The following KCNIP3 variants were observed in gnomAD, a reference collection of about 807,000 sequenced individuals.
The protein encoded by KCNIP3 is calsenilin.
In KCNIP3, 28 loss-of-function variants were observed where a neutral mutation model predicts 35.0. That is an observed-to-expected ratio of 0.80 (90% CI 0.59 to 1.10). The LOEUF (loss-of-function observed/expected upper bound fraction) is 1.10, where lower values mean the gene tolerates loss of function less well. Among genes scored for constraint, KCNIP3 ranks in the 50% least tolerant of loss-of-function variants. The pLI is 0.00. For synonymous variants in KCNIP3, 134 were observed against 133.8 expected, an observed-to-expected ratio of 1.00 and a Z score of -0.01; for missense variants, 295 against 338.4, an observed-to-expected ratio of 0.87 and a Z score of 1.01.
Position 95,384,841 on chromosome 2 carries a change from C to A in KCNIP3, c.*792C>A. Reference sequence around the variant, plus strand: ...TGCCAGCTCCACAGGGTGGGATGAGCCTCTCCTTGCCCCAGTCCTGGTTCA... The same window carrying A: ...TGCCAGCTCCACAGGGTGGGATGAGACTCTCCTTGCCCCAGTCCTGGTTCA... On this transcript the variant is annotated 3_prime_UTR_variant, in exon 9 of 9. Coordinates refer to ENST00000295225, the MANE Select transcript of KCNIP3 (RefSeq NM_013434.5). The A allele has an allele frequency of 6.5e-6, 1 of 152,698 alleles. No individual in the cohort carries two copies. 9.5% of individuals were successfully genotyped at this position (152,698 alleles called of 1,614,324 possible).
chr2:95,322,512 C>A (rs2104228565), intron 2 of KCNIP3, among the ~76,000 whole-genome samples: 1 of 152,306 alleles, frequency 6.6e-6, no homozygotes, highest in Non-Finnish European at 1.5e-5. Flanking sequence ...GTCTCCTCAT[C>A]CATCAAATGC....
chr2:95,321,242 C>T (rs867142926), intron 2 of KCNIP3, among the ~76,000 whole-genome samples: 2 of 152,186 alleles, frequency 1.3e-5, no homozygotes, highest in Non-Finnish European at 2.9e-5. Context: ...GTGTGGCCTG[C>T]AGAGCTGGTC....
chr2:95,344,867 C>A (rs766825212), intron 2 of KCNIP3, among the ~76,000 whole-genome samples: 4 of 152,328 alleles, frequency 2.6e-5, no homozygotes, highest in South Asian at 4.1e-4. Context: ...GGGTTATGTA[C>A]CACTACACTT....
At chr2:95,344,802 C>T (rs1679307893) in intron 2 of KCNIP3, among the ~76,000 whole-genome samples, 4 of 152,196 alleles carry the variant, frequency 2.6e-5, no homozygotes, top group African/African-American at 9.7e-5. Context: ...TTCAAGCCCC[C>T]GGAGAGGCTG....
intron 2 of KCNIP3, among the ~76,000 whole-genome samples, chr2:95,332,984 G>C (rs1423333482): frequency 6.6e-6 from 1 of 152,212 alleles, no homozygotes; most frequent in Non-Finnish European, 1.5e-5. Flanking sequence ...AAAATGTAAA[G>C]TTATGTGAAT....
At chr2:95,336,241 C>G (rs1396138457) in intron 2 of KCNIP3, among the ~76,000 whole-genome samples, 1 of 152,198 alleles carries the variant, frequency 6.6e-6, no homozygotes, top group Non-Finnish European at 1.5e-5. Context: ...CAACCTACAG[C>G]AACTTCAGGC....
rs1357253542 is a variant in KCNIP3, at chr2:95,350,725, G to A, written c.182-23571G>A. ...GGCAGTGGAGGTGGGGGGCCAGTGGGCTCTTTACCCAGCTGTACATTATCA... is the reference window on the plus strand; with the variant it reads ...GGCAGTGGAGGTGGGGGGCCAGTGGACTCTTTACCCAGCTGTACATTATCA... On this transcript the variant is annotated intron_variant, in intron 2 of 8. Transcript: ENST00000295225. Among the ~76,000 whole-genome samples the A allele has an allele frequency of 3.3e-5, 5 of 152,168 alleles. No individual in the cohort carries two copies. In the East Asian group the frequency reaches 9.6e-4, roughly 29 times the overall value.
intron 2 of KCNIP3, among the ~76,000 whole-genome samples, chr2:95,350,225 T>C (rs1233677568): frequency 1.3e-5 from 2 of 152,164 alleles, no homozygotes; most frequent in Non-Finnish European, 2.9e-5. Flanking sequence ...CTGTGTCTCC[T>C]GGCTCCTAGC....
chr2:95,383,316 G>A (rs1256628658), intron 8 of KCNIP3, 22 bp downstream of exon 8: 3 of 1,611,380 alleles, frequency 1.9e-6, no homozygotes, highest in African/African-American at 2.7e-5. Flanking sequence ...GGGAGGCTGG[G>A]CCACAGTTCT....
intron 2 of KCNIP3, among the ~76,000 whole-genome samples, chr2:95,332,171 G>T (rs1232006729): frequency 2.6e-5 from 4 of 152,228 alleles, no homozygotes; most frequent in African/African-American, 9.6e-5. Flanking sequence ...GCAAAAGGCC[G>T]GTCCTCCTGA....
At chr2:95,299,889 A>T (rs1677977223) in intron 1 of KCNIP3, among the ~76,000 whole-genome samples, 2 of 152,230 alleles carry the variant, frequency 1.3e-5, no homozygotes, top group Admixed American at 1.3e-4. Context: ...ACCAACGCCC[A>T]TCTAGGACAT....
intron 5 of KCNIP3, 147 bp from the exon 6 acceptor site, chr2:95,381,449 T>C: frequency 1.6e-6 from 1 of 631,968 alleles, no homozygotes; most frequent in Non-Finnish European, 2.9e-6. Context: ...ACACTCACCC[T>C]GTGCTGACCT....
chr2:95,305,280 C>T (rs543631308), intron 1 of KCNIP3, among the ~76,000 whole-genome samples: 2 of 152,180 alleles, frequency 1.3e-5, no homozygotes, highest in Non-Finnish European at 2.9e-5. Flanking sequence ...TGCATGCTTG[C>T]GTTTTTAACA....
intron 3 of KCNIP3, 86 bp downstream of exon 3, chr2:95,374,506 C>G: frequency 2.0e-6 from 3 of 1,499,936 alleles, no homozygotes; most frequent in Non-Finnish European, 2.7e-6. Context: ...CAGTAAATAT[C>G]CCAGGGGCCT....
At chr2:95,383,912 G>T in intron 8 of KCNIP3, 90 bp from the exon 9 acceptor site, 1 of 1,104,532 alleles carries the variant, frequency 9.1e-7, no homozygotes, top group Non-Finnish European at 1.4e-6. Context: ...AGTCGCTGCA[G>T]GCTCCGAGTC....
chr2:95,355,537 G>T (rs546374930), intron 2 of KCNIP3, among the ~76,000 whole-genome samples: 1 of 152,064 alleles, frequency 6.6e-6, no homozygotes, highest in East Asian at 1.9e-4. Flanking sequence ...AATGTTCCCC[G>T]CCCTGTGTCC....
intron 2 of KCNIP3, among the ~76,000 whole-genome samples, chr2:95,373,424 T>G (rs1022385177): frequency 1.5e-5 from 2 of 136,534 alleles, no homozygotes; most frequent in Non-Finnish European, 3.2e-5. Flanking sequence ...GTTTTTTTTT[T>G]TTTTTTTTTT....
At chr2:95,379,306 C>A (rs1377845526) in intron 5 of KCNIP3, among the ~76,000 whole-genome samples, 2 of 152,212 alleles carry the variant, frequency 1.3e-5, no homozygotes, top group African/African-American at 4.8e-5. Context: ...CCTTTGCCTA[C>A]GGTTAACATT....
intron 2 of KCNIP3, among the ~76,000 whole-genome samples, chr2:95,345,894 G>A (rs1230766648): frequency 1.3e-5 from 2 of 152,222 alleles, no homozygotes; most frequent in African/African-American, 2.4e-5. Context: ...TGCCCTGCCC[G>A]TGCGTGGCAC....
Sources: gnomAD v4.1 joint callset for allele counts (sites outside exome capture counted in the v4.1 genomes callset) on GRCh38, gnomAD v4.1.1 for gene constraint, MANE v1.5 for transcripts, NCBI Gene and HGNC (gene_info 2026-07-23, HGNC 2026-07-21) for gene names.